LSAMP: variants seen among roughly 807,000 people sequenced by gnomAD.
The protein encoded by LSAMP is limbic system-associated membrane protein.
LSAMP carries 7 observed loss-of-function variants against 38.6 expected under a neutral mutation model. The observed-to-expected ratio is 0.18, with a 90% CI of 0.10 to 0.34. The LOEUF is 0.34. LSAMP is among the 10% of genes least tolerant of loss of function. The pLI, the probability that LSAMP is intolerant of heterozygous loss-of-function variation, is 1.00. For missense variants in LSAMP, 313 were observed against 420.0 expected (o/e 0.75, Z 2.23); for synonymous variants, 154 against 166.8 (o/e 0.92, Z 0.59).
chr3:115,999,777 G>A (rs79702945), intron 3 of LSAMP, among the ~76,000 whole-genome samples: 2,713 of 152,244 alleles, frequency 0.018, 91 homozygotes, highest in African/African-American at 0.062. Context: ...AGGCTGCCTC[G>A]GGCTCTCATG....
At chr3:116,442,852 C>T (rs544115389) in intron 1 of LSAMP, among the ~76,000 whole-genome samples, 13 of 152,214 alleles carry the variant, frequency 8.5e-5, no homozygotes, top group African/African-American at 2.2e-4. Context: ...GTTTCTATTG[C>T]GCCATAGACA....
Position 115,874,712 on chromosome 3 carries a change from G to A in LSAMP, c.515-22095C>T, listed in dbSNP as rs143077165. On this transcript the variant is annotated intron_variant, in intron 3 of 6. Coordinates refer to ENST00000490035, the MANE Select transcript of LSAMP (RefSeq NM_002338.5). The stretch of plus-strand genomic sequence containing the variant: ...CTACCATCTAAATGTATGTATGTAC[G>A]TTATTTAAGCCTAAGTTATAACTCT... Among the ~76,000 whole-genome samples the A allele has an allele frequency of 2.6e-3, 395 of 152,196 alleles. 1 individual carries two copies. The highest frequency in any genetic ancestry group is 3.9e-3 in the Non-Finnish European group (265 of 67,998).
chr3:116,382,362 G>A (rs2048570901), intron 1 of LSAMP, among the ~76,000 whole-genome samples: 1 of 151,952 alleles, frequency 6.6e-6, no homozygotes, highest in Admixed American at 6.6e-5. Flanking sequence ...TAAGGACATG[G>A]ATGAAGCTGG....
At chr3:116,415,797 G>T (rs1277395213) in intron 1 of LSAMP, among the ~76,000 whole-genome samples, 2 of 152,122 alleles carry the variant, frequency 1.3e-5, no homozygotes, top group African/African-American at 2.4e-5. Context: ...AAATGCAAAT[G>T]AAAGATTCTG....
chr3:116,210,385 G>T (rs976052516), intron 1 of LSAMP, among the ~76,000 whole-genome samples: 6 of 152,164 alleles, frequency 3.9e-5, no homozygotes, highest in African/African-American at 1.2e-4. Context: ...AGGAGAAGGT[G>T]GAAGAGCAGG....
chr3:116,068,932 T>A (rs961187199), intron 2 of LSAMP, among the ~76,000 whole-genome samples: 1 of 152,158 alleles, frequency 6.6e-6, no homozygotes, highest in Non-Finnish European at 1.5e-5. Context: ...GAGAGGTAAA[T>A]TTGCTTCCCA....
At chr3:115,967,982 G>T (rs1266623613) in intron 3 of LSAMP, among the ~76,000 whole-genome samples, 1 of 151,916 alleles carries the variant, frequency 6.6e-6, no homozygotes, top group Non-Finnish European at 1.5e-5. Flanking sequence ...CACCATCCTA[G>T]GCCCACAGTG....
At chr3:115,856,330 A>G (rs1935505933) in intron 3 of LSAMP, among the ~76,000 whole-genome samples, 2 of 151,804 alleles carry the variant, frequency 1.3e-5, no homozygotes, top group South Asian at 4.1e-4. Flanking sequence ...TATAAAAGAA[A>G]CTCCAGGCTG....
intron 3 of LSAMP, among the ~76,000 whole-genome samples, chr3:115,970,541 T>G (rs543736641): frequency 1.0e-3 from 158 of 152,364 alleles, no homozygotes; most frequent in African/African-American, 3.3e-3. Context: ...TTTCATGCCC[T>G]TGGACCTTAG....
At chr3:116,233,639 A>G (rs1474272081) in intron 1 of LSAMP, among the ~76,000 whole-genome samples, 1 of 151,724 alleles carries the variant, frequency 6.6e-6, no homozygotes, top group African/African-American at 2.4e-5. Context: ...TTCCCTTTCC[A>G]GCCTCTGATA....
At chr3:116,070,917 G>A (rs1042997080) in intron 2 of LSAMP, among the ~76,000 whole-genome samples, 5 of 151,990 alleles carry the variant, frequency 3.3e-5, no homozygotes, top group Non-Finnish European at 7.4e-5. Context: ...TCACACGCCT[G>A]TAATCCCAGC....
chr3:116,372,097 A>G (rs765478419), intron 1 of LSAMP, among the ~76,000 whole-genome samples: 1 of 152,018 alleles, frequency 6.6e-6, no homozygotes, highest in Non-Finnish European at 1.5e-5. Context: ...TATCAATACT[A>G]CCCAAAGTGA....
intron 1 of LSAMP, among the ~76,000 whole-genome samples, chr3:116,300,996 G>T (rs1285775737): frequency 6.6e-6 from 1 of 151,764 alleles, no homozygotes; most frequent in Middle Eastern, 3.4e-3. Flanking sequence ...TTAATACGTG[G>T]TTATTCAGTC....
At chr3:115,878,334 T>C (rs1936235892) in intron 3 of LSAMP, among the ~76,000 whole-genome samples, 1 of 151,726 alleles carries the variant, frequency 6.6e-6, no homozygotes, top group South Asian at 2.1e-4. Context: ...AACACAATGA[T>C]GAAGTATTGT....
At chr3:116,175,705 C>CT (rs1000709102) in intron 1 of LSAMP, among the ~76,000 whole-genome samples, 3 of 151,708 alleles carry the variant, frequency 2.0e-5, no homozygotes, top group African/African-American at 4.8e-5. Flanking sequence ...TAATCTTTCC[C>CT]TTTTTTTTCT....
rs145517476 is a variant in LSAMP at position 115,848,155 on chromosome 3, G to T, written c.649+4328C>A. ...TATGAAAAGCTAGAGAAGCTGGCCA[G>T]TCTGGTTCCATATTAAACAGTTATT... On this transcript the variant is annotated intron_variant, in intron 4 of 6. Coordinates refer to ENST00000490035, the MANE Select transcript of LSAMP (RefSeq NM_002338.5). 1.3e-3 allele frequency among the ~76,000 whole-genome samples: 202 copies of T among 152,350 alleles called. 4 individuals are homozygous for T. The East Asian group carries it at 0.035, about 27-fold the overall frequency.
chr3:116,113,854 CTG>C (rs1325698659), intron 1 of LSAMP, among the ~76,000 whole-genome samples: 23 of 152,050 alleles, frequency 1.5e-4, no homozygotes, highest in Non-Finnish European at 1.8e-4. Flanking sequence ...GGATATGAGA[CTG>C]TTTTTTCTGA....
intron 1 of LSAMP, among the ~76,000 whole-genome samples, chr3:116,237,826 G>A (rs1416218231): frequency 6.6e-6 from 1 of 152,126 alleles, no homozygotes; most frequent in African/African-American, 2.4e-5. Context: ...AAGTTCTCAT[G>A]CATATTTTAG....
chr3:116,155,018 G>T (rs997103020), intron 1 of LSAMP, among the ~76,000 whole-genome samples: 23 of 151,024 alleles, frequency 1.5e-4, no homozygotes, highest in Admixed American at 2.6e-4. Context: ...GAATGTTTTG[G>T]TTTTTTTTGT....
Sources: allele counts gnomAD v4.1 joint callset (sites outside exome capture counted in the v4.1 genomes callset), GRCh38; gene constraint gnomAD v4.1.1; transcripts MANE v1.5; gene names NCBI Gene and HGNC (gene_info 2026-07-23, HGNC 2026-07-21).